Variants in PPP1R9A observed in about 807,000 individuals in gnomAD.
The protein encoded by PPP1R9A is neurabin-1.
PPP1R9A carries 59 observed loss-of-function variants against 141.9 expected under a neutral mutation model. The ratio of observed to expected loss-of-function variants is 0.42; its 90% CI spans 0.34 to 0.52. The LOEUF is 0.52. Among genes scored for constraint, PPP1R9A ranks in the 20% least tolerant of loss-of-function variants. The probability of loss-of-function intolerance (pLI) is 0.10; values close to 1 mark genes in which losing one functional copy is unlikely to be tolerated. For synonymous variants in PPP1R9A, 500 were observed against 569.7 expected (o/e 0.88, Z 1.74); for missense variants, 1,444 against 1,611.9 (o/e 0.90, Z 1.78).
chr7:95,240,650 T>C (rs1264573237), intron 8 of PPP1R9A, among the ~76,000 whole-genome samples: 1 of 152,152 alleles, frequency 6.6e-6, no homozygotes, highest in Non-Finnish European at 1.5e-5. Flanking sequence ...AATATGCTTT[T>C]AAATTCAAAT....
intron 4 of PPP1R9A, among the ~76,000 whole-genome samples, chr7:95,143,506 G>A (rs1202705016): frequency 6.6e-6 from 1 of 152,088 alleles, no homozygotes; most frequent in African/African-American, 2.4e-5. Flanking sequence ...GATATAGATG[G>A]TTAGAGGAAC....
intron 2 of PPP1R9A, among the ~76,000 whole-genome samples, chr7:95,099,178 CTAACT>C (rs1277956127): frequency 3.9e-5 from 6 of 152,216 alleles, no homozygotes; most frequent in East Asian, 3.8e-4. Context: ...AATTGATTTA[CTAACT>C]TAACTTGCTG....
intron 2 of PPP1R9A, among the ~76,000 whole-genome samples, chr7:94,945,740 T>G (rs1161723864): frequency 6.6e-6 from 1 of 152,094 alleles, no homozygotes; most frequent in Non-Finnish European, 1.5e-5. Flanking sequence ...TTAAAGATTT[T>G]CTTACTGATC....
chr7:95,275,106 C>T (rs1010941118), intron 16 of PPP1R9A, among the ~76,000 whole-genome samples: 3 of 152,066 alleles, frequency 2.0e-5, no homozygotes, highest in African/African-American at 7.2e-5. Flanking sequence ...TTCATTTGAT[C>T]CTTATAGGAT....
intron 5 of PPP1R9A, among the ~76,000 whole-genome samples, chr7:95,190,482 G>A (rs1036944074): frequency 6.6e-6 from 1 of 152,200 alleles, no homozygotes; most frequent in Non-Finnish European, 1.5e-5. Context: ...CGTTGAGGAT[G>A]CTGGCTTTCT....
intron 2 of PPP1R9A, 37 bp from the exon 3 acceptor site, chr7:95,111,222 T>G (rs776922632): frequency 1.1e-5 from 17 of 1,524,320 alleles, no homozygotes; most frequent in African/African-American, 2.8e-5. Flanking sequence ...GTTTTTTTTT[T>G]TTTCTGTATT....
intron 2 of PPP1R9A, among the ~76,000 whole-genome samples, chr7:94,962,778 A>G (rs758307358): frequency 6.6e-6 from 1 of 152,114 alleles, no homozygotes; most frequent in Non-Finnish European, 1.5e-5. Flanking sequence ...GAGTGACTAC[A>G]GTGTCATTGA....
At chr7:94,932,973 C>G (rs917013543) in intron 2 of PPP1R9A, among the ~76,000 whole-genome samples, 1 of 151,844 alleles carries the variant, frequency 6.6e-6, no homozygotes, top group Non-Finnish European at 1.5e-5. Context: ...TTAACTTTGT[C>G]TATAAATAAG....
At chr7:95,041,544 C>A (rs1809241650) in intron 2 of PPP1R9A, among the ~76,000 whole-genome samples, 1 of 152,080 alleles carries the variant, frequency 6.6e-6, no homozygotes, top group African/African-American at 2.4e-5. Flanking sequence ...TATAGCCTCC[C>A]TAAATACTAT....
chr7:95,162,442 C>A (rs1320660293), intron 5 of PPP1R9A, among the ~76,000 whole-genome samples: 1 of 152,180 alleles, frequency 6.6e-6, no homozygotes, highest in African/African-American at 2.4e-5. Context: ...TGAATTATAA[C>A]TTTTCCAACT....
intron 2 of PPP1R9A, among the ~76,000 whole-genome samples, chr7:94,929,789 A>G (rs1253615737): frequency 6.6e-6 from 1 of 152,150 alleles, no homozygotes; most frequent in Non-Finnish European, 1.5e-5. Flanking sequence ...CACAGTGAAC[A>G]CGGATGAGAC....
chr7:95,085,779 T>G (rs931785807), intron 2 of PPP1R9A, among the ~76,000 whole-genome samples: 36 of 152,034 alleles, frequency 2.4e-4, no homozygotes, highest in Non-Finnish European at 2.2e-4. Flanking sequence ...GTATTTTCAC[T>G]TGGTATATGT....
At chr7:95,087,956 A>G (rs1308030852) in intron 2 of PPP1R9A, among the ~76,000 whole-genome samples, 1 of 151,948 alleles carries the variant, frequency 6.6e-6, no homozygotes, top group Non-Finnish European at 1.5e-5. Flanking sequence ...GTTCACTTTA[A>G]GTAGCTTGAG....
At chr7:95,225,830 T>G in intron 7 of PPP1R9A, 131 bp from the exon 8 acceptor site, 1 of 899,088 alleles carries the variant, frequency 1.1e-6, no homozygotes, top group Non-Finnish European at 1.6e-6. Context: ...GAGGCATGCT[T>G]GGCTGAAAAA....
intron 5 of PPP1R9A, among the ~76,000 whole-genome samples, chr7:95,185,859 G>T (rs1834570756): frequency 6.6e-6 from 1 of 151,970 alleles, no homozygotes; most frequent in Non-Finnish European, 1.5e-5. Context: ...TTATTTCTGG[G>T]TTCTCTATTC....
chr7:94,938,662 C>G (rs1055740230), intron 2 of PPP1R9A, among the ~76,000 whole-genome samples: 1 of 152,066 alleles, frequency 6.6e-6, no homozygotes, highest in Non-Finnish European at 1.5e-5. Flanking sequence ...TTGAAAAGAT[C>G]AGAAATGGTC....
chr7:94,957,975 A>G (rs900009957), intron 2 of PPP1R9A, among the ~76,000 whole-genome samples: 2 of 152,134 alleles, frequency 1.3e-5, no homozygotes, highest in African/African-American at 4.8e-5. Context: ...TTAGATTAGA[A>G]AGTGGCTTAG....
At chr7:95,091,337 CTTTTTTTTTTTT>C (rs555627706) in intron 2 of PPP1R9A, among the ~76,000 whole-genome samples, 10 of 75,990 alleles carry the variant, frequency 1.3e-4, no homozygotes, top group Admixed American at 3.8e-4. Context: ...TGTTTTAACT[CTTTTTTTTTTTT>C]TTTTTTTTTT....
At chr7:95,069,371 A>G (rs1813440670) in intron 2 of PPP1R9A, among the ~76,000 whole-genome samples, 1 of 152,106 alleles carries the variant, frequency 6.6e-6, no homozygotes, top group Non-Finnish European at 1.5e-5. Context: ...TATTAATACT[A>G]GTAAAGGAAG....
Sources: gnomAD v4.1 joint callset for allele counts (sites outside exome capture counted in the v4.1 genomes callset) on GRCh38, gnomAD v4.1.1 for gene constraint, MANE v1.5 for transcripts, NCBI Gene and HGNC (gene_info 2026-07-23, HGNC 2026-07-21) for gene names.